Variants in TMEM43 observed in about 807,000 individuals in gnomAD.
The protein encoded by TMEM43 is arrhythmogenic right ventricular dysplasia 5.
A neutral mutation model predicts 49.6 loss-of-function variants in TMEM43; 45 were observed. The ratio of observed to expected loss-of-function variants is 0.91; its 90% confidence interval spans 0.71 to 1.16. The LOEUF is 1.16. Ranked by LOEUF, TMEM43 falls within the 50% of genes most tolerant of loss-of-function variation. The pLI is 0.00. For synonymous variants in TMEM43, 199 were observed against 207.8 expected (o/e 0.96, Z 0.36); for missense variants, 532 against 516.6 (o/e 1.03, Z -0.29).
In TMEM43 at chr3:14,129,438, A is replaced by G. The variant is rs1444701312; in HGVS notation, c.39A>G (p.Glu13=). Residue 13 remains glutamate (E), a synonymous_variant, in exon 2 of 12, where the codon GAA becomes GAG. Transcript: ENST00000306077. ...ATTCCAGTACCAGTACCCGGAGAGA[A>G]CATGTCAAAGTTAAAACCAGCTCCC... ...ANYSSTSTRR[E]HVKVKTSSQP... 1.9e-6 allele frequency: 3 copies of G among 1,613,968 alleles called. No individual in the cohort carries two copies. Among genetic ancestry groups the G allele is most frequent in the Non-Finnish European group, 2.5e-6 (3 of 1,179,964 alleles).
chr3:14,135,048 C>A, intron 8 of TMEM43, 110 bp from the exon 9 acceptor site: 2 of 1,477,188 alleles, frequency 1.4e-6, no homozygotes, highest in Non-Finnish European at 1.9e-6. Context: ...AGCCTGGGCA[C>A]GGGTGTGGAG....
intron 1 of TMEM43, among the ~76,000 whole-genome samples, chr3:14,126,239 C>T (rs530189668): frequency 6.6e-6 from 1 of 152,298 alleles, no homozygotes; most frequent in East Asian, 1.9e-4. Flanking sequence ...GGGTTAGAAG[C>T]CTTGAATGTT....
At chr3:14,125,902 C>G (rs774567713) in intron 1 of TMEM43, among the ~76,000 whole-genome samples, 7 of 152,320 alleles carry the variant, frequency 4.6e-5, no homozygotes, top group Non-Finnish European at 1.0e-4. Flanking sequence ...GCCCAACATT[C>G]ATTCAACAAG....
chr3:14,131,029 G>C (rs1695088919), intron 3 of TMEM43, 73 bp downstream of exon 3: 19 of 1,553,652 alleles, frequency 1.2e-5, no homozygotes, highest in Non-Finnish European at 1.6e-5. Context: ...CTGAGGATTT[G>C]AAAGCATGGG....
chr3:14,141,377 T>C (rs1215309754), intron 11 of TMEM43, among the ~76,000 whole-genome samples: 2 of 152,224 alleles, frequency 1.3e-5, no homozygotes, highest in Non-Finnish European at 2.9e-5. Flanking sequence ...GTAGAGTGGG[T>C]GGCTTAGGCA....
chr3:14,133,618 T>C, intron 6 of TMEM43, 121 bp from the exon 7 acceptor site: 2 of 893,498 alleles, frequency 2.2e-6, no homozygotes, highest in East Asian at 2.4e-5. Flanking sequence ...CTGCTGCGCC[T>C]GGGCTAATCT....
At position 14,128,640 on chromosome 3, in the gene TMEM43, C is replaced by G. The variant is rs939798367; in HGVS notation, c.13-772C>G. Among the ~76,000 whole-genome samples, 3 of 152,334 alleles carry G rather than the reference C, an allele frequency of 2.0e-5. No homozygotes were observed. The East Asian group carries it at 5.8e-4, about 29-fold the overall frequency. On this transcript the variant is annotated intron_variant, in intron 1 of 11. Transcript: ENST00000306077. ...TGACCCCACAAGGGCTAGCACTGCC[C>G]TCAGAAAGCTCAGCCACTGTTTGCT...
At chr3:14,135,348 A>G in intron 9 of TMEM43, 116 bp downstream of exon 9, 1 of 832,514 alleles carries the variant, frequency 1.2e-6, no homozygotes. Context: ...GGAAAGGCAC[A>G]CTCTCGCACA....
At chr3:14,137,466 C>T (rs960797260) in intron 10 of TMEM43, among the ~76,000 whole-genome samples, 3 of 152,166 alleles carry the variant, frequency 2.0e-5, no homozygotes, top group Admixed American at 2.0e-4. Flanking sequence ...GGCCTCCTTA[C>T]CCCCTGGGTC....
intron 1 of TMEM43, among the ~76,000 whole-genome samples, chr3:14,128,552 C>T (rs985138941): frequency 6.6e-6 from 1 of 152,228 alleles, no homozygotes; most frequent in Non-Finnish European, 1.5e-5. Flanking sequence ...TCACAGGACC[C>T]TCTGTGTGAC....
At chr3:14,134,664 C>T (rs1410309624) in intron 7 of TMEM43, 106 bp from the exon 8 acceptor site, 33 of 1,480,802 alleles carry the variant, frequency 2.2e-5, no homozygotes, top group Non-Finnish European at 2.7e-5. Context: ...GGGAGTGCCA[C>T]GTGTGCAGGC....
At chr3:14,141,528 A>C in intron 11 of TMEM43, 65 bp from the exon 12 acceptor site, 27 of 1,457,156 alleles carry the variant, frequency 1.9e-5, no homozygotes, top group African/African-American at 2.8e-5. Flanking sequence ...TAGGGACAGG[A>C]GAGATCTGCT....
At chr3:14,138,422 T>C (rs1357720547) in intron 10 of TMEM43, among the ~76,000 whole-genome samples, 1 of 151,938 alleles carries the variant, frequency 6.6e-6, no homozygotes, top group African/African-American at 2.4e-5. Flanking sequence ...GACTCGGGAA[T>C]ATGTGGCCTG....
At chr3:14,125,514 TC>T (rs1695007075) in intron 1 of TMEM43, among the ~76,000 whole-genome samples, 1 of 152,176 alleles carries the variant, frequency 6.6e-6, no homozygotes, top group African/African-American at 2.4e-5. Context: ...CTCCTTGCAT[TC>T]CCAGTTCCCT....
At chr3:14,133,161 G>A (rs1447361952) in intron 6 of TMEM43, among the ~76,000 whole-genome samples, 1 of 152,212 alleles carries the variant, frequency 6.6e-6, no homozygotes, top group Admixed American at 6.5e-5. Flanking sequence ...TATAAGGCCT[G>A]CACTAAGCGT....
At chr3:14,132,813 C>G in intron 5 of TMEM43, 53 bp from the exon 6 acceptor site, 1 of 1,571,832 alleles carries the variant, frequency 6.4e-7, no homozygotes, top group Non-Finnish European at 8.8e-7. Context: ...TGGTGGGTCT[C>G]AGCCGCGTGC....
At chr3:14,131,288 C>T (rs1474754763) in intron 3 of TMEM43, among the ~76,000 whole-genome samples, 2 of 152,242 alleles carry the variant, frequency 1.3e-5, no homozygotes, top group Non-Finnish European at 2.9e-5. Flanking sequence ...CAAAACTACC[C>T]TGGGCACCAG....
At position 14,134,770 on chromosome 3, in the gene TMEM43, G is replaced by T. The variant is rs1458517961; in HGVS notation, c.584G>T (p.Gly195Val). The change falls in exon 8 of 12, where the codon GGC (glycine) becomes GTC (valine). Residue 195 changes from glycine (G) to valine (V), a missense_variant and splice_region_variant. Physicochemically the swap from Gly to Val is moderately radical, Grantham distance 109. Coordinates refer to ENST00000306077, the MANE Select transcript of TMEM43 (RefSeq NM_024334.3). ...VQIGRFFLSS[G>V]LIDKVDNFKS... ...TTTCTAACCACTCTGGTCCCCTCAG[G>T]CCTCATCGACAAAGTCGACAACTTC... The T allele has an allele frequency of 4.3e-6, 7 of 1,613,960 alleles. No homozygotes were observed. The highest frequency in any genetic ancestry group is 5.9e-6 in the Non-Finnish European group (7 of 1,179,978).
chr3:14,136,706 T>G (rs1574940096), intron 10 of TMEM43, among the ~76,000 whole-genome samples: 50 of 123,466 alleles, frequency 4.0e-4, no homozygotes, highest in East Asian at 3.9e-3. Context: ...AGGGAGTGGG[T>G]GGGGGGGCTC....
Sources: allele counts gnomAD v4.1 joint callset (sites outside exome capture counted in the v4.1 genomes callset), GRCh38; gene constraint gnomAD v4.1.1; transcripts MANE v1.5; gene names NCBI Gene and HGNC (gene_info 2026-07-23, HGNC 2026-07-21).